ZFPM2: variants seen among roughly 807,000 people sequenced by gnomAD.
ZFPM2 encodes the protein zinc finger protein ZFPM2.
Under a neutral mutation model 98.6 loss-of-function variants are expected in ZFPM2, and 20 were observed. That is an observed-to-expected ratio of 0.20 (90% CI 0.14 to 0.29). ZFPM2 has a LOEUF of 0.29. Among genes scored for constraint, ZFPM2 ranks in the 10% least tolerant of loss-of-function variants. ZFPM2 has a pLI of 1.00. For synonymous variants in ZFPM2, 518 were observed against 502.7 expected (o/e 1.03, Z -0.41); for missense variants, 1,310 against 1,388.6 (o/e 0.94, Z 0.90).
At chr8:105,598,964 G>A (rs1816032345) in intron 4 of ZFPM2, among the ~76,000 whole-genome samples, 1 of 152,132 alleles carries the variant, frequency 6.6e-6, no homozygotes, top group African/African-American at 2.4e-5. Context: ...CAGACCTTCT[G>A]CTAATTGATT....
At chr8:105,687,925 C>T (rs925984975) in intron 5 of ZFPM2, among the ~76,000 whole-genome samples, 3 of 151,764 alleles carry the variant, frequency 2.0e-5, no homozygotes, top group African/African-American at 7.3e-5. Flanking sequence ...TTTTTAAGCT[C>T]TGAGGGCTAG....
chr8:105,591,279 A>T (rs1398004912), intron 4 of ZFPM2, among the ~76,000 whole-genome samples: 1 of 151,856 alleles, frequency 6.6e-6, no homozygotes. Context: ...ACAACAAAAA[A>T]CCAAGTGGCA....
chr8:105,496,864 C>T (rs897215192), intron 3 of ZFPM2, among the ~76,000 whole-genome samples: 1 of 149,338 alleles, frequency 6.7e-6, no homozygotes, highest in Non-Finnish European at 1.5e-5. Flanking sequence ...TGACTGTAAT[C>T]CCAGCTACTT....
At chr8:105,435,140 T>C (rs1812095243) in intron 2 of ZFPM2, among the ~76,000 whole-genome samples, 1 of 152,184 alleles carries the variant, frequency 6.6e-6, no homozygotes, top group Admixed American at 6.5e-5. Flanking sequence ...ACACCTTCAA[T>C]TTCCTCCTAT....
chr8:105,642,702 A>G (rs1816970204), intron 5 of ZFPM2, among the ~76,000 whole-genome samples: 1 of 152,198 alleles, frequency 6.6e-6, no homozygotes, highest in Non-Finnish European at 1.5e-5. Context: ...GAGGAGTACA[A>G]ATGAATATGA....
At chr8:105,539,076 G>A (rs1196711633) in intron 3 of ZFPM2, among the ~76,000 whole-genome samples, 1 of 151,942 alleles carries the variant, frequency 6.6e-6, no homozygotes, top group African/African-American at 2.4e-5. Flanking sequence ...ACAATGAGAT[G>A]GTTCATATTT....
intron 5 of ZFPM2, among the ~76,000 whole-genome samples, chr8:105,639,671 C>G (rs1297956300): frequency 6.6e-6 from 1 of 151,982 alleles, no homozygotes; most frequent in East Asian, 1.9e-4. Flanking sequence ...AGGTTATGAT[C>G]AATATTATGT....
rs559464520 is a variant in ZFPM2 at position 105,718,588 on chromosome 8, C to G, written c.533-70130C>G. ...ACACTAATTGAATGCCAGGGATTAT[C>G]ATAAATTTGTAATTCCTTTAGAGAA... On this transcript the variant is annotated intron_variant, in intron 5 of 7. Coordinates refer to ENST00000407775, the MANE Select transcript of ZFPM2 (RefSeq NM_012082.4). Among the ~76,000 whole-genome samples, 72 of 152,056 alleles carry G rather than the reference C, an allele frequency of 4.7e-4. 1 individual carries two copies. The highest frequency in any genetic ancestry group is 1.6e-3 in the African/African-American group (68 of 41,522).
At chr8:105,734,431 T>C (rs1300010632) in intron 5 of ZFPM2, among the ~76,000 whole-genome samples, 2 of 151,974 alleles carry the variant, frequency 1.3e-5, no homozygotes, top group African/African-American at 2.4e-5. Flanking sequence ...GTTTCTCTTA[T>C]AGATAAAGTT....
intron 4 of ZFPM2, among the ~76,000 whole-genome samples, chr8:105,565,341 A>G (rs770115735): frequency 1.3e-5 from 2 of 152,178 alleles, no homozygotes; most frequent in Non-Finnish European, 2.9e-5. Context: ...TCTTTTGTCC[A>G]CACCTTATTA....
intron 1 of ZFPM2, among the ~76,000 whole-genome samples, chr8:105,385,152 C>G (rs1406089368): frequency 6.6e-6 from 1 of 152,204 alleles, no homozygotes; most frequent in Non-Finnish European, 1.5e-5. Context: ...AACAACACCT[C>G]TGGCACAACT....
intron 4 of ZFPM2, among the ~76,000 whole-genome samples, chr8:105,599,912 G>A (rs954230799): frequency 1.3e-5 from 2 of 152,050 alleles, no homozygotes; most frequent in African/African-American, 4.8e-5. Flanking sequence ...AGATGTGCAG[G>A]ACTTATCACC....
At chr8:105,631,272 T>C (rs927708585) in intron 4 of ZFPM2, among the ~76,000 whole-genome samples, 1 of 152,196 alleles carries the variant, frequency 6.6e-6, no homozygotes, top group African/African-American at 2.4e-5. Context: ...TTTTAAAATC[T>C]GTTTATAACC....
chr8:105,737,141 G>A (rs890292870), intron 5 of ZFPM2: 1 of 151,982 alleles, frequency 6.6e-6, no homozygotes, highest in Non-Finnish European at 1.5e-5. Flanking sequence ...GGGAGTTTGT[G>A]TGCATGATCA....
At chr8:105,368,655 T>A (rs1436039450) in intron 1 of ZFPM2, among the ~76,000 whole-genome samples, 3 of 152,160 alleles carry the variant, frequency 2.0e-5, no homozygotes, top group Non-Finnish European at 4.4e-5. Context: ...GATCCTTTCC[T>A]CTTGACCTCC....
chr8:105,580,943 A>G (rs1029486448), intron 4 of ZFPM2, among the ~76,000 whole-genome samples: 16 of 151,848 alleles, frequency 1.1e-4, no homozygotes, highest in Admixed American at 5.9e-4. Context: ...GAAAATTACA[A>G]TGAAAATTAC....
intron 3 of ZFPM2, among the ~76,000 whole-genome samples, chr8:105,475,941 TTATAA>T (rs1813004584): frequency 1.3e-5 from 2 of 152,190 alleles, no homozygotes; most frequent in Admixed American, 6.5e-5. Context: ...GTATGCAACT[TTATAA>T]AACAACAGAT....
intron 4 of ZFPM2, among the ~76,000 whole-genome samples, chr8:105,591,681 T>C (rs1277355531): frequency 2.0e-5 from 3 of 152,152 alleles, no homozygotes; most frequent in African/African-American, 7.2e-5. Context: ...TATTGCTGAG[T>C]AGAAATGCAA....
rs774847013 is a variant in ZFPM2, at chr8:105,574,262, C to T, written c.420+12781C>T. Among the ~76,000 whole-genome samples, 45 of 152,112 alleles carry T rather than the reference C, an allele frequency of 3.0e-4. 1 individual carries two copies. Among genetic ancestry groups the T allele is most frequent in the Non-Finnish European group, 6.2e-4 (42 of 68,036 alleles). ...AGAACTCATAGCCTAGATAAGTAAA[C>T]GGTATGGACTTAGTGCATTTATCAT... On this transcript the variant is annotated intron_variant, in intron 4 of 7. Transcript: ENST00000407775.
Sources: allele counts gnomAD v4.1 joint callset (sites outside exome capture counted in the v4.1 genomes callset), GRCh38; gene constraint gnomAD v4.1.1; transcripts MANE v1.5; gene names NCBI Gene and HGNC (gene_info 2026-07-23, HGNC 2026-07-21).